The following ZNRF2 variants were observed in gnomAD, a reference collection of about 807,000 sequenced individuals.
The protein encoded by ZNRF2 is E3 ubiquitin-protein ligase ZNRF2.
Under a neutral mutation model 20.4 loss-of-function variants are expected in ZNRF2, and 16 were observed. The observed-to-expected ratio is 0.79, with a 90% CI of 0.53 to 1.19. ZNRF2 has a LOEUF of 1.19. ZNRF2 is among the 50% of genes most tolerant of loss of function. The probability of loss-of-function intolerance (pLI) is 0.00; values close to 1 mark genes in which losing one functional copy is unlikely to be tolerated. For synonymous variants in ZNRF2, 178 were observed against 144.9 expected (o/e 1.23, Z -1.64); for missense variants, 363 against 332.4 (o/e 1.09, Z -0.72).
chr7:30,332,759 C>T (rs1199757044), intron 2 of ZNRF2, among the ~76,000 whole-genome samples: 1 of 151,940 alleles, frequency 6.6e-6, no homozygotes, highest in Non-Finnish European at 1.5e-5. Context: ...ACCACTTTTT[C>T]TTTATCCAGT....
At chr7:30,340,171 T>C (rs1562617546) in intron 2 of ZNRF2, among the ~76,000 whole-genome samples, 2 of 152,216 alleles carry the variant, frequency 1.3e-5, no homozygotes, top group Non-Finnish European at 2.9e-5. Context: ...GGTTTCTAAA[T>C]ATACAATCAT....
Position 30,285,593 on chromosome 7 carries a change from G to T in ZNRF2, c.236G>T (p.Arg79Leu). 3.6e-6 allele frequency: 4 copies of T among 1,107,840 alleles called. No individual in the cohort carries two copies. The highest frequency in any genetic ancestry group is 4.4e-6 in the Non-Finnish European group (4 of 909,954). 68.6% of individuals were successfully genotyped at this position (1,107,840 alleles called of 1,614,324 possible). ...GCCCCGGCAGCCCCGGCGGCCCCGCGCAGCCGCTCCCTCGGCGGGGCCGTG... is the reference window on the plus strand; with the variant it reads ...GCCCCGGCAGCCCCGGCGGCCCCGCTCAGCCGCTCCCTCGGCGGGGCCGTG... ...AAAPAAPAAP[R>L]SRSLGGAVGS... Residue 79 changes from arginine (R) to leucine (L), a missense_variant, in exon 1 of 5, where the codon CGC becomes CTC. Transcript: ENST00000323037.
chr7:30,310,688 G>A (rs1799278439), intron 1 of ZNRF2, among the ~76,000 whole-genome samples: 1 of 152,136 alleles, frequency 6.6e-6, no homozygotes. Context: ...GCCACAGTTG[G>A]CCTGCAGACC....
chr7:30,316,346 AG>A (rs1799377401), intron 1 of ZNRF2, among the ~76,000 whole-genome samples: 1 of 145,254 alleles, frequency 6.9e-6, no homozygotes, highest in Non-Finnish European at 1.5e-5. Flanking sequence ...AGTAGATAGT[AG>A]GAAGTAATGA....
chr7:30,297,266 G>T (rs540797972), intron 1 of ZNRF2, among the ~76,000 whole-genome samples: 8 of 152,042 alleles, frequency 5.3e-5, no homozygotes, highest in Non-Finnish European at 1.5e-5. Flanking sequence ...ACCCTGTTCC[G>T]AATTGATTAT....
chr7:30,306,639 A>G (rs1562607431), intron 1 of ZNRF2, among the ~76,000 whole-genome samples: 2 of 152,150 alleles, frequency 1.3e-5, no homozygotes, highest in Non-Finnish European at 2.9e-5. Context: ...TAATTTTCCT[A>G]AAACACTGGA....
chr7:30,301,025 G>A (rs1290622153), intron 1 of ZNRF2, among the ~76,000 whole-genome samples: 9 of 152,172 alleles, frequency 5.9e-5, no homozygotes, highest in Non-Finnish European at 7.4e-5. Flanking sequence ...CAATCAGACC[G>A]TACTGTCTTA....
intron 2 of ZNRF2, among the ~76,000 whole-genome samples, chr7:30,340,788 A>G (rs540543594): frequency 1.4e-4 from 21 of 151,410 alleles, no homozygotes; most frequent in African/African-American, 2.9e-4. Flanking sequence ...CTCTTTTTCT[A>G]TTGTTTGGAA....
At chr7:30,306,459 C>T (rs1007844360) in intron 1 of ZNRF2, among the ~76,000 whole-genome samples, 1 of 152,052 alleles carries the variant, frequency 6.6e-6, no homozygotes, top group Non-Finnish European at 1.5e-5. Context: ...GAATAAAATT[C>T]CATCTTTTAT....
intron 1 of ZNRF2, among the ~76,000 whole-genome samples, chr7:30,294,161 C>G (rs1362337349): frequency 6.6e-6 from 1 of 152,014 alleles, no homozygotes; most frequent in Non-Finnish European, 1.5e-5. Flanking sequence ...ACTGTTACCT[C>G]TATTCTGTTC....
chr7:30,341,913 G>A (rs532399852), intron 2 of ZNRF2, among the ~76,000 whole-genome samples: 9 of 152,206 alleles, frequency 5.9e-5, no homozygotes, highest in African/African-American at 2.2e-4. Flanking sequence ...CCTGTATTGG[G>A]TGCATATATA....
intron 3 of ZNRF2, among the ~76,000 whole-genome samples, chr7:30,357,010 T>G (rs540451725): frequency 6.6e-6 from 1 of 152,280 alleles, no homozygotes; most frequent in South Asian, 2.1e-4. Context: ...TAATAACATC[T>G]CAAAATATTT....
intron 1 of ZNRF2, among the ~76,000 whole-genome samples, chr7:30,319,185 G>T (rs1399642229): frequency 6.6e-6 from 1 of 152,090 alleles, no homozygotes; most frequent in Non-Finnish European, 1.5e-5. Flanking sequence ...TGTTGCCCGG[G>T]CTGTAGTGCA....
In ZNRF2 at chr7:30,284,919, T is replaced by G; in HGVS notation, c.-439T>G. On this transcript the variant is annotated 5_prime_UTR_variant, in exon 1 of 5. Coordinates refer to ENST00000323037, the MANE Select transcript of ZNRF2 (RefSeq NM_147128.4). Reference sequence around the variant, plus strand: ...CCTCCCACTCAGCCGCCAGCCGCCGTGGGAGCCGGAGGATGGCGGCGGTAG... The same window carrying G: ...CCTCCCACTCAGCCGCCAGCCGCCGGGGGAGCCGGAGGATGGCGGCGGTAG... 4.0e-6 allele frequency: 1 copy of G among 248,696 alleles called. No individual in the cohort carries two copies. Among genetic ancestry groups the G allele is most frequent in the Non-Finnish European group, 8.2e-6 (1 of 122,168 alleles). The allele number at this position is 248,696 out of a possible 1,614,324, so 15.4% of individuals were successfully genotyped here. A position where few individuals can be genotyped will look rare whatever the true frequency, so the allele number is the denominator to read the frequency against.
At chr7:30,286,000 G>T (rs1207011330) in intron 1 of ZNRF2, among the ~76,000 whole-genome samples, 174 bp downstream of exon 1, 3 of 152,234 alleles carry the variant, frequency 2.0e-5, no homozygotes, top group Non-Finnish European at 4.4e-5. Flanking sequence ...GCTTAACACC[G>T]GCGGTGCCGC....
intron 1 of ZNRF2, among the ~76,000 whole-genome samples, chr7:30,303,801 G>GA (rs1327431854): frequency 6.6e-6 from 1 of 152,208 alleles, no homozygotes; most frequent in Admixed American, 6.5e-5. Context: ...CTTGGAGGCA[G>GA]AAAGGGTACC....
chr7:30,337,216 A>G (rs898237508), intron 2 of ZNRF2, among the ~76,000 whole-genome samples: 3 of 152,184 alleles, frequency 2.0e-5, no homozygotes, highest in Non-Finnish European at 2.9e-5. Context: ...TATGTTATAA[A>G]GTATTCATCT....
chr7:30,365,730 G>A (rs1378794639), intron 4 of ZNRF2, among the ~76,000 whole-genome samples: 1 of 152,218 alleles, frequency 6.6e-6, no homozygotes, highest in African/African-American at 2.4e-5. Flanking sequence ...AAAATAGAGA[G>A]ACATGAATAT....
chr7:30,295,262 C>T (rs1285478977), intron 1 of ZNRF2, among the ~76,000 whole-genome samples: 3 of 151,972 alleles, frequency 2.0e-5, no homozygotes, highest in Non-Finnish European at 4.4e-5. Context: ...GTTTGAGTTC[C>T]GCATCTGTCC....
Sources: gnomAD v4.1 joint callset for allele counts (sites outside exome capture counted in the v4.1 genomes callset) on GRCh38, gnomAD v4.1.1 for gene constraint, MANE v1.5 for transcripts, NCBI Gene and HGNC (gene_info 2026-07-23, HGNC 2026-07-21) for gene names.